Variants in PCDH7 observed in about 807,000 individuals in gnomAD.
PCDH7 encodes protocadherin 7, also known as protocadherin-7.
PCDH7 carries 17 observed loss-of-function variants against 58.9 expected under a neutral mutation model. That is an observed-to-expected ratio of 0.29 (90% CI 0.20 to 0.43). The LOEUF is 0.43. PCDH7 is among the 20% of genes least tolerant of loss of function. The pLI is 1.00. For missense variants in PCDH7, 1,274 were observed against 1,441.0 expected (o/e 0.88, Z 1.88); for synonymous variants, 664 against 616.4 (o/e 1.08, Z -1.14).
At chr4:30,787,846 A>T (rs1038781794) in intron 1 of PCDH7, among the ~76,000 whole-genome samples, 8 of 152,204 alleles carry the variant, frequency 5.3e-5, no homozygotes, top group African/African-American at 1.9e-4. Flanking sequence ...GTTACCTAGA[A>T]TGTAAAGAGG....
At chr4:30,986,922 A>C (rs1025194504) in intron 3 of PCDH7, among the ~76,000 whole-genome samples, 4 of 152,070 alleles carry the variant, frequency 2.6e-5, no homozygotes, top group African/African-American at 9.7e-5. Flanking sequence ...CGGAGGTTGC[A>C]GTGAGCCGAG....
chr4:30,782,162 GCTT>G (rs1164119499), intron 1 of PCDH7, among the ~76,000 whole-genome samples: 1 of 152,050 alleles, frequency 6.6e-6, no homozygotes, highest in Non-Finnish European at 1.5e-5. Flanking sequence ...CTAGAACTGA[GCTT>G]CTTAACACTT....
At chr4:31,034,083 G>A (rs1755184512) in intron 3 of PCDH7, among the ~76,000 whole-genome samples, 1 of 150,808 alleles carries the variant, frequency 6.6e-6, no homozygotes, top group Non-Finnish European at 1.5e-5. Context: ...GACAGAGTGA[G>A]ACTCTGTCTC....
At chr4:30,776,168 A>G (rs947325460) in intron 1 of PCDH7, 1 of 152,196 alleles carries the variant, frequency 6.6e-6, no homozygotes, top group African/African-American at 2.4e-5. Context: ...GGAAAACTAT[A>G]CTGAACTAAG....
At chr4:30,907,436 C>T (rs1255919864) in intron 1 of PCDH7, among the ~76,000 whole-genome samples, 19 of 152,104 alleles carry the variant, frequency 1.2e-4, no homozygotes, top group Admixed American at 1.2e-3. Flanking sequence ...AAAAAGTGGG[C>T]AAAGAATATG....
At position 31,010,474 on chromosome 4, in the gene PCDH7, G is replaced by T. The variant is rs190501249; in HGVS notation, c.*7+60259G>T. ...AACAGATCTAAAAAAATTGGAAAAG[G>T]TAAGATTATATGAGATATATCAATA... On this transcript the variant is annotated intron_variant, in intron 3 of 3. Transcript: ENST00000509759. Among the ~76,000 whole-genome samples, 284 of 151,992 alleles carry T rather than the reference G, an allele frequency of 1.9e-3. 8 individuals carry two copies. In the South Asian group the frequency reaches 0.035, roughly 19 times the overall value.
intron 1 of PCDH7, among the ~76,000 whole-genome samples, chr4:30,846,370 C>G (rs766907999): frequency 1.4e-4 from 22 of 152,050 alleles, no homozygotes; most frequent in Non-Finnish European, 2.9e-4. Context: ...CTCCTTGCTC[C>G]CCCTCTCTTG....
intron 3 of PCDH7, among the ~76,000 whole-genome samples, chr4:30,994,671 G>A (rs1578513033): frequency 1.3e-5 from 2 of 152,074 alleles, no homozygotes; most frequent in Admixed American, 1.3e-4. Context: ...CTGTGTTCAG[G>A]TTTAGACTAT....
At chr4:30,865,457 C>A (rs901771031) in intron 1 of PCDH7, among the ~76,000 whole-genome samples, 4 of 151,890 alleles carry the variant, frequency 2.6e-5, no homozygotes, top group Non-Finnish European at 5.9e-5. Context: ...AGAAGCTAGA[C>A]TATAGTCTGG....
At chr4:30,765,925 G>A (rs548041828) in intron 1 of PCDH7, among the ~76,000 whole-genome samples, 1 of 152,262 alleles carries the variant, frequency 6.6e-6, no homozygotes, top group East Asian at 1.9e-4. Flanking sequence ...ATCAGTCAAA[G>A]GGTGGGTCAA....
At chr4:31,097,636 AT>A (rs1714307130) in intron 3 of PCDH7, among the ~76,000 whole-genome samples, 5 of 33,834 alleles carry the variant, frequency 1.5e-4, no homozygotes, top group African/African-American at 3.7e-4. Flanking sequence ...ATATATATAT[AT>A]AAATCTTTTT....
chr4:31,109,544 G>C (rs1716021274), intron 3 of PCDH7, among the ~76,000 whole-genome samples: 1 of 152,152 alleles, frequency 6.6e-6, no homozygotes, highest in Non-Finnish European at 1.5e-5. Flanking sequence ...ATAGTGTTTA[G>C]CTAGGTGTTC....
At chr4:30,894,519 A>ACC (rs1739118483) in intron 1 of PCDH7, among the ~76,000 whole-genome samples, 1 of 41,600 alleles carries the variant, frequency 2.4e-5, no homozygotes, top group Non-Finnish European at 3.9e-5. Context: ...ATATATATAC[A>ACC]CACACACACA....
Position 30,886,010 on chromosome 4 carries a change from A to G in PCDH7, c.71-34143A>G, listed in dbSNP as rs936424107. On this transcript the variant is annotated intron_variant, in intron 1 of 3. Transcript: ENST00000509759. ...AGACTTAAACGTTAGACCTAAAACC[A>G]TAAAAACTCTAGAAGAAAACCTAGG... 2.6e-3 allele frequency among the ~76,000 whole-genome samples: 392 copies of G among 151,722 alleles called. 1 individual carries two copies. The highest frequency in any genetic ancestry group is 9.1e-3 in the African/African-American group (379 of 41,462).
intron 3 of PCDH7, among the ~76,000 whole-genome samples, chr4:31,060,279 A>T (rs770843993): frequency 4.6e-5 from 7 of 151,784 alleles, no homozygotes; most frequent in Admixed American, 6.6e-5. Context: ...TAGCATTTAA[A>T]TGACTAAGAC....
At chr4:30,941,457 A>C (rs1003840953) in intron 2 of PCDH7, among the ~76,000 whole-genome samples, 8 of 151,982 alleles carry the variant, frequency 5.3e-5, no homozygotes, top group African/African-American at 1.9e-4. Flanking sequence ...CCCAATTTTG[A>C]GTAGATTATT....
At chr4:30,964,252 T>A (rs1426933427) in intron 3 of PCDH7, among the ~76,000 whole-genome samples, 2 of 94,198 alleles carry the variant, frequency 2.1e-5, no homozygotes, top group Non-Finnish European at 5.1e-5. Flanking sequence ...ATTTATTTAT[T>A]TTTTTTTGAG....
intron 3 of PCDH7, among the ~76,000 whole-genome samples, chr4:31,058,702 A>G (rs1409377817): frequency 6.6e-6 from 1 of 152,036 alleles, no homozygotes; most frequent in Non-Finnish European, 1.5e-5. Context: ...ATTGCCTGGC[A>G]GTCTTTCACA....
intron 1 of PCDH7, among the ~76,000 whole-genome samples, chr4:30,843,732 C>G (rs1348601902): frequency 6.6e-6 from 1 of 151,994 alleles, no homozygotes; most frequent in East Asian, 1.9e-4. Context: ...GCTGAGATTG[C>G]AATTTACCTT....
Sources: gnomAD v4.1 joint callset for allele counts (sites outside exome capture counted in the v4.1 genomes callset) on GRCh38, gnomAD v4.1.1 for gene constraint, MANE v1.5 for transcripts, NCBI Gene and HGNC (gene_info 2026-07-23, HGNC 2026-07-21) for gene names.